Variants in ABCA12 observed in about 807,000 individuals in gnomAD.
The protein encoded by ABCA12 is ATP binding cassette subfamily A member 12.
ABCA12 carries 156 observed loss-of-function variants against 293.5 expected under a neutral mutation model. That is an observed-to-expected ratio of 0.53 (90% confidence interval 0.47 to 0.61). The LOEUF is 0.61. Among genes scored for constraint, ABCA12 ranks in the 20% least tolerant of loss-of-function variants. The probability of loss-of-function intolerance (pLI) is 0.00; values close to 1 mark genes in which losing one functional copy is unlikely to be tolerated. For missense variants in ABCA12, 2,797 were observed against 3,090.2 expected (o/e 0.91, Z 2.25); for synonymous variants, 1,063 against 1,108.0 (o/e 0.96, Z 0.81).
chr2:214,995,760 T>C (rs1700018957), intron 23 of ABCA12, among the ~76,000 whole-genome samples: 2 of 152,144 alleles, frequency 1.3e-5, no homozygotes, highest in Non-Finnish European at 2.9e-5. Context: ...CTATTTTACA[T>C]GCCACCAAGA....
At position 215,069,001 on chromosome 2, in the gene ABCA12, G is replaced by T. The variant is rs188652576; in HGVS notation, c.164-4782C>A. 7.2e-5 allele frequency among the ~76,000 whole-genome samples: 11 copies of T among 152,240 alleles called. No individual in the cohort carries two copies. In the East Asian group the frequency reaches 2.1e-3, roughly 29 times the overall value. On this transcript the variant is annotated intron_variant, in intron 2 of 52. Coordinates refer to ENST00000272895, the MANE Select transcript of ABCA12 (RefSeq NM_173076.3). ...AGGCTCCAGAAATATTCTGTAGGCT[G>T]CCTCGGTGACATTTGTACACATTAT...
At chr2:215,088,128 T>G (rs184488018) in intron 2 of ABCA12, among the ~76,000 whole-genome samples, 58 of 152,310 alleles carry the variant, frequency 3.8e-4, no homozygotes, top group African/African-American at 1.3e-3. Flanking sequence ...CTGAATGTAA[T>G]TTTGAGTTAG....
At chr2:214,950,545 C>T (rs1298281378) in intron 45 of ABCA12, among the ~76,000 whole-genome samples, 1 of 148,152 alleles carries the variant, frequency 6.7e-6, no homozygotes, top group Admixed American at 6.8e-5. Flanking sequence ...CACTCTGTCA[C>T]CCAGGCAGGA....
chr2:215,011,677 G>T, intron 16 of ABCA12, 28 bp from the exon 17 acceptor site: 2 of 1,600,014 alleles, frequency 1.2e-6, no homozygotes, highest in South Asian at 2.2e-5. Context: ...ACAATTTATT[G>T]ACACTATATG....
At chr2:215,078,530 T>G (rs554039745) in intron 2 of ABCA12, among the ~76,000 whole-genome samples, 1 of 152,344 alleles carries the variant, frequency 6.6e-6, no homozygotes, top group Non-Finnish European at 1.5e-5. Flanking sequence ...GCAGTCCTAG[T>G]TGATAAGTAT....
intron 39 of ABCA12, 130 bp from the exon 40 acceptor site, chr2:214,959,208 T>C (rs752281854): frequency 7.2e-5 from 58 of 808,670 alleles, no homozygotes; most frequent in Admixed American, 1.3e-4. Flanking sequence ...GGGACCTTTT[T>C]TTTTTAAAGG....
chr2:214,958,523 C>G (rs1402502955), intron 40 of ABCA12, 69 bp from the exon 41 acceptor site: 1 of 1,525,692 alleles, frequency 6.6e-7, no homozygotes, highest in Non-Finnish European at 9.0e-7. Context: ...CAGAAAGATT[C>G]ATAACTAAAA....
At chr2:215,068,227 T>A (rs183140892) in intron 2 of ABCA12, among the ~76,000 whole-genome samples, 259 of 152,310 alleles carry the variant, frequency 1.7e-3, no homozygotes, top group Non-Finnish European at 2.5e-3. Flanking sequence ...ATGGGGTTCA[T>A]CAGTCTGTGT....
intron 7 of ABCA12, among the ~76,000 whole-genome samples, chr2:215,042,697 C>G (rs6741410): frequency 0.085 from 12,908 of 152,108 alleles, 1,534 homozygotes; most frequent in African/African-American, 0.27. Flanking sequence ...ATTTGTTTAT[C>G]ATGAGGACAT....
chr2:214,992,915 A>G (rs1355277511), intron 23 of ABCA12, among the ~76,000 whole-genome samples: 1 of 152,208 alleles, frequency 6.6e-6, no homozygotes, highest in Non-Finnish European at 1.5e-5. Flanking sequence ...ACAGCTTTAT[A>G]ACCCAATTTT....
chr2:214,967,561 A>T (rs1212687053), intron 38 of ABCA12, among the ~76,000 whole-genome samples: 1 of 152,204 alleles, frequency 6.6e-6, no homozygotes, highest in Non-Finnish European at 1.5e-5. Context: ...ATTTTGAGAG[A>T]AATGATTTTA....
intron 4 of ABCA12, among the ~76,000 whole-genome samples, chr2:215,053,049 A>T (rs1701351657): frequency 6.6e-6 from 1 of 152,128 alleles, no homozygotes; most frequent in East Asian, 1.9e-4. Context: ...GCTTAGAATC[A>T]TAAATTCTCT....
intron 2 of ABCA12, among the ~76,000 whole-genome samples, chr2:215,073,912 C>T (rs1003967751): frequency 2.6e-5 from 4 of 152,160 alleles, no homozygotes; most frequent in Non-Finnish European, 5.9e-5. Context: ...GCCAAATGAG[C>T]TTAGGAAACT....
intron 30 of ABCA12, 149 bp downstream of exon 30, chr2:214,982,038 C>T (rs1320127470): frequency 2.8e-6 from 2 of 706,774 alleles, no homozygotes; most frequent in Non-Finnish European, 5.0e-6. Flanking sequence ...TCTCAAACTC[C>T]CAGGCTCAAG....
At position 214,985,793 on chromosome 2, in the gene ABCA12, G is replaced by C. The variant is rs982750031; in HGVS notation, c.4163+749C>G. Among the ~76,000 whole-genome samples, 7 of 152,106 alleles carry C rather than the reference G, an allele frequency of 4.6e-5. 1 individual carries two copies. Among genetic ancestry groups the C allele is most frequent in the Non-Finnish European group, 1.0e-4 (7 of 68,016 alleles). On this transcript the variant is annotated intron_variant, in intron 28 of 52. Transcript: ENST00000272895. Reference sequence around the variant, plus strand: ...GATCCTTTTTCTCAAACAAGGGCTCGAGCACCAGCAGCATCTTAGAGCTGA... The same window carrying C: ...GATCCTTTTTCTCAAACAAGGGCTCCAGCACCAGCAGCATCTTAGAGCTGA...
At position 214,954,077 on chromosome 2, in the gene ABCA12, G is replaced by C. The variant is rs758122196; in HGVS notation, c.6424C>G (p.Arg2142Gly). ...TLELISETLK[R>G]IFLIFPQFCF... Reference sequence around the variant, plus strand: ...AATTGTGGGAAAATCAGGAAAATGCGCTTGAGGGTTTCAGAAATAAGTTCT... The same window carrying C: ...AATTGTGGGAAAATCAGGAAAATGCCCTTGAGGGTTTCAGAAATAAGTTCT... Residue 2142 changes from arginine to glycine, a missense_variant, in exon 44 of 53, where the codon CGC (arginine) becomes GGC (glycine). Physicochemically the swap from Arg to Gly is moderately radical, Grantham distance 125. This residue lies in a region of ABCA12 where 2,130 missense variants were observed against 2,427.0 expected (regional missense o/e 0.88). Transcript: ENST00000272895. The C allele has an allele frequency of 6.2e-7, 1 of 1,613,752 alleles. No homozygotes were observed. Among genetic ancestry groups the C allele is most frequent in the Non-Finnish European group, 8.5e-7 (1 of 1,179,942 alleles).
At chr2:215,020,562 G>A (rs2106014948) in intron 11 of ABCA12, among the ~76,000 whole-genome samples, 1 of 152,288 alleles carries the variant, frequency 6.6e-6, no homozygotes, top group South Asian at 2.1e-4. Flanking sequence ...TAATGAATAT[G>A]GAGTTTCAGT....
intron 2 of ABCA12, among the ~76,000 whole-genome samples, chr2:215,064,676 C>T (rs965249686): frequency 1.3e-5 from 2 of 148,258 alleles, no homozygotes; most frequent in African/African-American, 2.5e-5. Flanking sequence ...CAGAAGAGTC[C>T]TAATCTTTTA....
At chr2:215,075,416 G>A (rs1311333473) in intron 2 of ABCA12, 2 of 562,668 alleles carry the variant, frequency 3.6e-6, no homozygotes, top group Non-Finnish European at 6.2e-6. Context: ...ACTATATATT[G>A]GCAAAATTTT....
Sources: allele counts gnomAD v4.1 joint callset (sites outside exome capture counted in the v4.1 genomes callset), GRCh38; gene constraint gnomAD v4.1.1; regional missense constraint gnomAD v4.1.1; transcripts MANE v1.5; gene names NCBI Gene and HGNC (gene_info 2026-07-23, HGNC 2026-07-21).